The following CFAP70 variants were observed in gnomAD, a reference collection of about 807,000 sequenced individuals.
CFAP70 encodes the protein cilia and flagella associated protein 70.
CFAP70 carries 81 observed loss-of-function variants against 137.6 expected under a neutral mutation model. The observed-to-expected ratio is 0.59, with a 90% CI of 0.49 to 0.71. CFAP70 has a LOEUF of 0.71. CFAP70 is among the 30% of genes least tolerant of loss of function. The pLI, the probability that CFAP70 is intolerant of heterozygous loss-of-function variation, is 0.00. For missense variants in CFAP70, 976 were observed against 1,226.7 expected (o/e 0.80, Z 3.05); for synonymous variants, 382 against 423.6 (o/e 0.90, Z 1.20).
At chr10:73,312,761 A>G (rs2050021889) in intron 9 of CFAP70, 118 bp from the exon 11 acceptor site, 2 of 901,304 alleles carry the variant, frequency 2.2e-6, no homozygotes, top group East Asian at 5.2e-5. Flanking sequence ...AATATCAGAG[A>G]GAGAGAAGGG....
chr10:73,282,826 C>CTTTTT (rs1203127459), intron 19 of CFAP70, among the ~76,000 whole-genome samples: 34 of 90,922 alleles, frequency 3.7e-4, no homozygotes, highest in African/African-American at 6.4e-4. Context: ...TTCCTGTTAT[C>CTTTTT]TTTTTTTTTT....
chr10:73,258,952 A>T (rs990132039), intron 25 of CFAP70, among the ~76,000 whole-genome samples: 2 of 152,206 alleles, frequency 1.3e-5, no homozygotes, highest in Non-Finnish European at 2.9e-5. Flanking sequence ...ATGAAACTTC[A>T]TCAGCAATTC....
In CFAP70 at chr10:73,333,628, G is replaced by A. The variant is rs189885195; in HGVS notation, c.677+1802C>T. Among the ~76,000 whole-genome samples, 16 of 152,174 alleles carry A rather than the reference G, an allele frequency of 1.1e-4. No individual in the cohort carries two copies. The East Asian group carries it at 2.5e-3, about 24-fold the overall frequency. On this transcript the variant is annotated intron_variant, in intron 7 of 26. Coordinates refer to ENST00000310715, the Ensembl canonical transcript of CFAP70. ...ATTTAAAGTTGTGAAAGAAAAACCC[G>A]CCAACTTAGAATTCCGTACCTAATA... is the stretch of plus-strand genomic sequence containing the variant.
chr10:73,320,510 G>A (rs1006864665), intron 9 of CFAP70, among the ~76,000 whole-genome samples: 49 of 151,832 alleles, frequency 3.2e-4, no homozygotes, highest in African/African-American at 1.2e-3. Flanking sequence ...AATTTTTTTT[G>A]TAGAGATAGG....
At chr10:73,262,023 TTATATATGTA>T (rs1564744803) in intron 25 of CFAP70, among the ~76,000 whole-genome samples, 1 of 145,516 alleles carries the variant, frequency 6.9e-6, no homozygotes, top group East Asian at 2.0e-4. Flanking sequence ...TATGTATATA[TTATATATGTA>T]TATATGTATA....
At chr10:73,351,067 G>GTATATA (rs1257762799) in intron 3 of CFAP70, among the ~76,000 whole-genome samples, 7 of 64,058 alleles carry the variant, frequency 1.1e-4, no homozygotes, top group Admixed American at 1.9e-4. Context: ...GTGTGTGTGT[G>GTATATA]TGTGTATATA....
At chr10:73,350,220 CTT>C (rs1007870710) in intron 3 of CFAP70, among the ~76,000 whole-genome samples, 26 of 152,270 alleles carry the variant, frequency 1.7e-4, no homozygotes, top group Admixed American at 7.8e-4. Context: ...AGATTTGTCT[CTT>C]GTTTTATTCC....
chr10:73,272,769 C>T, intron 24 of CFAP70, 159 bp downstream of exon 25: 1 of 722,870 alleles, frequency 1.4e-6, no homozygotes, highest in Non-Finnish European at 2.5e-6. Context: ...GTTAAGTGAC[C>T]TTCAGTTCAC....
rs375709242 is a variant in CFAP70, at chr10:73,297,018, G to C, written c.1644+24C>G. 8.1e-6 allele frequency: 13 copies of C among 1,605,732 alleles called. No individual in the cohort carries two copies. In the Admixed American group the frequency reaches 2.2e-4, roughly 28 times the overall value. On this transcript the variant is annotated intron_variant, in intron 15 of 26. Coordinates refer to ENST00000310715, the Ensembl canonical transcript of CFAP70. Reference sequence around the variant, plus strand: ...TCTGATGCTCTACAGAGAAAAGAAAGTGCTCTCAGTTCTTGACACTTACCT... The same window carrying C: ...TCTGATGCTCTACAGAGAAAAGAAACTGCTCTCAGTTCTTGACACTTACCT...
Position 73,348,312 on chromosome 10 carries a change from T to C in CFAP70, c.349+111A>G, listed in dbSNP as rs190699554. The C allele has an allele frequency of 6.1e-4, 951 of 1,554,168 alleles. 4 individuals are homozygous for C. The African/African-American group carries it at 7.8e-3, about 13-fold the overall frequency. On this transcript the variant is annotated intron_variant, in intron 4 of 26. Coordinates refer to ENST00000310715, the Ensembl canonical transcript of CFAP70. ...GACTGCAGGCAGAGATAAATGTGCC[T>C]ACTTTTCCCCTCAAATCCCTCAAAT...
intron 12 of CFAP70, among the ~76,000 whole-genome samples, chr10:73,300,948 T>C (rs2048902991): frequency 1.3e-5 from 2 of 152,180 alleles, no homozygotes; most frequent in African/African-American, 2.4e-5. Flanking sequence ...TTAAACAAAA[T>C]AGACAAAAAT....
At chr10:73,326,609 AAG>A (rs2051457408) in intron 8 of CFAP70, among the ~76,000 whole-genome samples, 1 of 151,764 alleles carries the variant, frequency 6.6e-6, no homozygotes, top group South Asian at 2.1e-4. Flanking sequence ...TAAAGAAGAA[AAG>A]AGAGAAGAAT....
At position 73,275,362 on chromosome 10, in the gene CFAP70, C is replaced by G. The variant is rs7076057; in HGVS notation, c.2673+84G>C. ...AGCTGATGACCACCCTTCTGTTCAC[C>G]AGAAATCTACGTGTGATATGGCATC... On this transcript the variant is annotated intron_variant, in intron 22 of 26. Coordinates refer to ENST00000310715, the Ensembl canonical transcript of CFAP70. The surrounding 1 kb of genome is among the most constrained non-coding windows in gnomAD (Gnocchi z 4.0). 9.6e-6 allele frequency: 14 copies of G among 1,453,768 alleles called. No individual in the cohort carries two copies. The African/African-American group carries it at 1.7e-4, about 18-fold the overall frequency. 90.1% of individuals were successfully genotyped at this position (1,453,768 alleles called of 1,614,324 possible). A position where few individuals can be genotyped will look rare whatever the true frequency, so the allele number is the denominator to read the frequency against.
rs990243459 is a variant in CFAP70 at position 73,329,822 on chromosome 10, A to G, written c.777+1355T>C. Among the ~76,000 whole-genome samples, 8 of 152,332 alleles carry G rather than the reference A, an allele frequency of 5.3e-5. No individual in the cohort carries two copies. In the South Asian group the frequency reaches 6.2e-4, roughly 12 times the overall value. The stretch of plus-strand genomic sequence containing the variant: ...TCATTAATGGTGGAGGTGTTTTAGC[A>G]TAGTTGGCTGAGAAAAATTCTCTGT... On this transcript the variant is annotated intron_variant, in intron 8 of 26. Coordinates refer to ENST00000310715, the Ensembl canonical transcript of CFAP70.
At chr10:73,361,060 G>A (rs996235835), upstream of CFAP70, among the ~76,000 whole-genome samples, 15 of 151,006 alleles carry the variant, frequency 9.9e-5, no homozygotes, top group East Asian at 1.9e-4. Context: ...GTGCCGTGGC[G>A]CAATCTGGGT....
chr10:73,322,332 A>C (rs1467636713), intron 9 of CFAP70, among the ~76,000 whole-genome samples: 6 of 152,064 alleles, frequency 3.9e-5, no homozygotes, highest in African/African-American at 1.4e-4. Context: ...GCTTTTTATC[A>C]ATATAGATAA....
At chr10:73,333,160 A>AT (rs1356529852) in intron 7 of CFAP70, among the ~76,000 whole-genome samples, 1 of 152,162 alleles carries the variant, frequency 6.6e-6, no homozygotes, top group African/African-American at 2.4e-5. Flanking sequence ...TTGACTGGAC[A>AT]TGGCTGAGGA....
intron 21 of CFAP70, 31 bp downstream of exon 22, chr10:73,277,209 C>T (rs1433104114): frequency 1.3e-6 from 2 of 1,587,568 alleles, no homozygotes; most frequent in East Asian, 2.3e-5. Flanking sequence ...AAAATCTTTC[C>T]ATCTACTTGC....
chr10:73,277,159 G>A, intron 21 of CFAP70, 81 bp downstream of exon 22: 2 of 1,448,640 alleles, frequency 1.4e-6, no homozygotes, highest in Non-Finnish European at 1.8e-6. Context: ...AAATATGGAA[G>A]CTTGAAAGAT....
Sources: gnomAD v4.1 joint callset for allele counts (sites outside exome capture counted in the v4.1 genomes callset) on GRCh38, gnomAD v4.1.1 for gene constraint, Gnocchi (gnomAD v3.1) non-coding constraint, MANE v1.5 for transcripts, NCBI Gene and HGNC (gene_info 2026-07-23, HGNC 2026-07-21) for gene names.